RIF1: variants seen among roughly 807,000 people sequenced by gnomAD.
RIF1 encodes the protein replication timing regulatory factor 1.
In RIF1, 45 loss-of-function variants were observed where a neutral mutation model predicts 247.1. That is an observed-to-expected ratio of 0.18 (90% CI 0.14 to 0.23). The LOEUF is 0.23. RIF1 is among the 10% of genes least tolerant of loss of function. The pLI, the probability that RIF1 is intolerant of heterozygous loss-of-function variation, is 1.00. For synonymous variants in RIF1, 1,087 were observed against 978.8 expected (o/e 1.11, Z -2.06); for missense variants, 2,967 against 2,862.5 (o/e 1.04, Z -0.83).
rs1223508552 is a variant in RIF1, at chr2:151,471,263, A to T, written c.7095+1399A>T. Among the ~76,000 whole-genome samples the T allele has an allele frequency of 2.0e-5, 3 of 152,122 alleles. No individual in the cohort carries two copies. The East Asian group carries it at 5.8e-4, about 29-fold the overall frequency. On this transcript the variant is annotated intron_variant, in intron 34 of 35. Coordinates refer to ENST00000444746, the MANE Select transcript of RIF1 (RefSeq NM_018151.5). ...TTGAATAATTCTTTGTAGATTCTGGATATTAGCCTTTTGTCAGATGAGAAG... is the reference window on the plus strand; with the variant it reads ...TTGAATAATTCTTTGTAGATTCTGGTTATTAGCCTTTTGTCAGATGAGAAG...
At chr2:151,512,019 C>CTTTTTTT (rs71403173), downstream of RIF1, among the ~76,000 whole-genome samples, 1 of 93,586 alleles carries the variant, frequency 1.1e-5, no homozygotes, top group African/African-American at 4.3e-5. Flanking sequence ...CCCTCTCACT[C>CTTTTTTT]TTTTTTTTTT....
At chr2:151,525,505 T>A in the RIF1 span, among the ~76,000 whole-genome samples, 5 of 152,196 alleles carry the variant, frequency 3.3e-5, no homozygotes. Context: ...TAAGCTCTTT[T>A]ATTTACTATT....
chr2:151,410,744 A>G (rs1686022586), intron 2 of RIF1, among the ~76,000 whole-genome samples: 2 of 152,228 alleles, frequency 1.3e-5, no homozygotes, highest in South Asian at 4.2e-4. Flanking sequence ...GTTTGGAACG[A>G]GGGAGCATGC....
rs1380576713 is a variant in RIF1, at chr2:151,506,068, T to G, written c.*862-142T>G. The G allele has an allele frequency of 1.3e-5, 13 of 1,026,962 alleles. No homozygotes were observed. In the East Asian group the frequency reaches 2.8e-4, roughly 22 times the overall value. The allele number at this position is 1,026,962 out of a possible 1,614,324, so 63.6% of individuals were successfully genotyped here. ...AGGCACCTATTTTAGCAATATAAGC[T>G]GTTTCTGGTGACAGAGGCTTTGAGT... On this transcript the variant is annotated intron_variant and NMD_transcript_variant, in intron 12 of 13. Coordinates refer to the RIF1 transcript ENST00000454583.
intron 9 of RIF1, among the ~76,000 whole-genome samples, chr2:151,490,913 T>A (rs2055978283): frequency 6.6e-6 from 1 of 152,236 alleles, no homozygotes; most frequent in Admixed American, 6.5e-5. Context: ...TTCTCTGTGT[T>A]CCCAAAATAC....
At chr2:151,462,344 C>T in intron 28 of RIF1, 22 bp downstream of exon 28, 4 of 1,501,856 alleles carry the variant, frequency 2.7e-6, no homozygotes, top group Non-Finnish European at 3.6e-6. Flanking sequence ...AGCCATCAAA[C>T]TTTTATATCT....
chr2:151,478,511 A>G lies in RIF1; in HGVS notation c.*3440A>G, dbSNP rs1457917555. ...AAAAAGTTTAATTCTAACATTGCCCATGGATTTTTTTTTTTCTGTACAGCT... is the reference window on the plus strand; with the variant it reads ...AAAAAGTTTAATTCTAACATTGCCCGTGGATTTTTTTTTTTCTGTACAGCT... On this transcript the variant is annotated 3_prime_UTR_variant, in exon 36 of 36. Transcript: ENST00000444746. The G allele has an allele frequency of 2.6e-5, 4 of 151,302 alleles. No individual in the cohort carries two copies. The highest frequency in any genetic ancestry group is 1.3e-4 in the Admixed American group (2 of 15,144). 9.4% of individuals were successfully genotyped at this position (151,302 alleles called of 1,614,324 possible). A position where few individuals can be genotyped will look rare whatever the true frequency, so the allele number is the denominator to read the frequency against.
the RIF1 span, chr2:151,531,028 A>C: frequency 6.2e-7 from 1 of 1,613,560 alleles, no homozygotes; most frequent in African/African-American, 1.3e-5. Flanking sequence ...GCGGACATGC[A>C]GCAACATGGG....
intron 27 of RIF1, among the ~76,000 whole-genome samples, chr2:151,461,940 CT>C (rs1316861592): frequency 1.0e-3 from 153 of 152,284 alleles, no homozygotes; most frequent in African/African-American, 3.5e-3. Context: ...GTGGCATGAT[CT>C]CTGCTCACTG....
intron 13 of RIF1, chr2:151,506,488 C>A: frequency 2.0e-6 from 1 of 499,122 alleles, no homozygotes; most frequent in Non-Finnish European, 3.5e-6. Context: ...TTGTGGTATA[C>A]CATACTAACA....
downstream of RIF1, among the ~76,000 whole-genome samples, chr2:151,487,022 TACTA>T (rs2051126250): frequency 6.6e-6 from 1 of 152,126 alleles, no homozygotes; most frequent in African/African-American, 2.4e-5. Context: ...ATGAACTTCA[TACTA>T]AGTTATGTAT....
At position 151,476,791 on chromosome 2, in the gene RIF1, C is replaced by T. The variant is rs1250698157; in HGVS notation, c.*1720C>T. 4 of 152,010 alleles carry T rather than the reference C, an allele frequency of 2.6e-5. No homozygotes were observed. Among genetic ancestry groups the T allele is most frequent in the African/African-American group, 9.7e-5 (4 of 41,386 alleles). The allele number at this position is 152,010 out of a possible 1,614,324, so 9.4% of individuals were successfully genotyped here. ...ATTAATTTCCCAAATTATATTTAAC[C>T]GTAAGGAGGTGCACATGAGTTTTTA... On this transcript the variant is annotated 3_prime_UTR_variant, in exon 36 of 36. Coordinates refer to ENST00000444746, the MANE Select transcript of RIF1 (RefSeq NM_018151.5).
chr2:151,509,082 TTCTG>T (rs987246273), downstream of RIF1, among the ~76,000 whole-genome samples: 3 of 152,212 alleles, frequency 2.0e-5, no homozygotes, highest in South Asian at 2.1e-4. Flanking sequence ...GATAAAACTA[TTCTG>T]TCTGTCTCTA....
At position 151,499,256 on chromosome 2, in the gene RIF1, CAT is replaced by C. The variant is rs764968826; in HGVS notation, c.*514-88_*514-87del. On this transcript the variant is annotated intron_variant and NMD_transcript_variant, in intron 10 of 13. Coordinates refer to the RIF1 transcript ENST00000454583. ...AAATCTAGCCATTAATCTTTTTAAACATTTTTTTAAATAATTAAAGGGATTTT... is the reference window on the plus strand; with the variant it reads ...AAATCTAGCCATTAATCTTTTTAAACTTTTTTAAATAATTAAAGGGATTTT... The C allele has an allele frequency of 3.7e-6, 4 of 1,074,534 alleles. No homozygotes were observed. In the African/African-American group the frequency reaches 6.5e-5, roughly 17 times the overall value. 66.6% of individuals were successfully genotyped at this position (1,074,534 alleles called of 1,614,324 possible).
intron 10 of RIF1, chr2:151,496,970 C>T: frequency 1.3e-6 from 2 of 1,580,046 alleles, no homozygotes; most frequent in South Asian, 2.3e-5. Context: ...TTGTGTTTGA[C>T]TCTCTCCATC....
chr2:151,424,825 A>ATTTTTTTTTT (rs71000475), intron 8 of RIF1, among the ~76,000 whole-genome samples: 3 of 47,272 alleles, frequency 6.3e-5, no homozygotes, highest in African/African-American at 2.4e-4. Flanking sequence ...AGCCCGGCTG[A>ATTTTTTTTTT]TTTTTTTTTT....
intron 20 of RIF1, 63 bp downstream of exon 20, chr2:151,446,638 G>C: frequency 6.6e-7 from 1 of 1,519,102 alleles, no homozygotes; most frequent in South Asian, 1.2e-5. Context: ...CAAGTAAATG[G>C]AGATAATATT....
In RIF1 at chr2:151,505,585, A is replaced by G; in HGVS notation, c.*862-625A>G. 2 of 1,595,552 alleles carry G rather than the reference A, an allele frequency of 1.3e-6. No homozygotes were observed. The highest frequency in any genetic ancestry group is 1.7e-6 in the Non-Finnish European group (2 of 1,163,144). ...TTATACTTCACCTGCAGATTTAAAA[A>G]TGGGAAAAGAAAGGTATTATTACAT... On this transcript the variant is annotated intron_variant and NMD_transcript_variant, in intron 12 of 13. Coordinates refer to the RIF1 transcript ENST00000454583.
the RIF1 span, chr2:151,526,190 G>T: frequency 6.2e-7 from 1 of 1,613,948 alleles, no homozygotes; most frequent in Non-Finnish European, 8.5e-7. Flanking sequence ...GTCTTCGCCA[G>T]CAGGATCTGA....
Sources: allele counts gnomAD v4.1 joint callset (sites outside exome capture counted in the v4.1 genomes callset), GRCh38; gene constraint gnomAD v4.1.1; transcripts MANE v1.5; gene names NCBI Gene and HGNC (gene_info 2026-07-23, HGNC 2026-07-21).